PTGES3: variants seen among roughly 807,000 people sequenced by gnomAD.
PTGES3 encodes prostaglandin E synthase 3.
A neutral mutation model predicts 29.9 loss-of-function variants in PTGES3; 5 were observed. The ratio of observed to expected loss-of-function variants is 0.17; its 90% confidence interval spans 0.09 to 0.35. PTGES3 has a LOEUF of 0.35. PTGES3 is among the 10% of genes least tolerant of loss of function. The probability of loss-of-function intolerance (pLI) is 1.00; values close to 1 mark genes in which losing one functional copy is unlikely to be tolerated. For synonymous variants in PTGES3, 49 were observed against 57.8 expected, an observed-to-expected ratio of 0.85 and a Z score of 0.69; for missense variants, 128 against 190.0, an observed-to-expected ratio of 0.67 and a Z score of 1.92.
At chr12:56,679,299 TG>T (rs1952415366) in intron 1 of PTGES3, among the ~76,000 whole-genome samples, 1 of 148,188 alleles carries the variant, frequency 6.7e-6, no homozygotes, top group Non-Finnish European at 1.5e-5. Context: ...CCCAGCTACT[TG>T]GGAGGCTGAG....
At chr12:56,681,320 C>G (rs1404703653) in intron 1 of PTGES3, among the ~76,000 whole-genome samples, 1 of 151,626 alleles carries the variant, frequency 6.6e-6, no homozygotes, top group Non-Finnish European at 1.5e-5. Flanking sequence ...GGGCGGATCA[C>G]GAGGTCAGGA....
intron 1 of PTGES3, among the ~76,000 whole-genome samples, chr12:56,678,230 T>G (rs879028487): frequency 2.6e-5 from 4 of 152,154 alleles, no homozygotes; most frequent in Admixed American, 2.0e-4. Context: ...CAGGTTGGAG[T>G]GCAGTGGCGT....
At chr12:56,670,640 T>C (rs1344305618) in intron 4 of PTGES3, 5 of 292,762 alleles carry the variant, frequency 1.7e-5, no homozygotes, top group African/African-American at 6.4e-5. Flanking sequence ...TTAGCGTGGT[T>C]ACCTGACATA....
chr12:56,669,969 T>TAA lies in PTGES3; in HGVS notation c.375+304_375+305dup, dbSNP rs5798391. On this transcript the variant is annotated intron_variant, in intron 5 of 7. Transcript: ENST00000262033. ...CAAGTCAACTACTGCAATCATGCTT[T>TAA]AAAAAAAAAAAAAAAAAAAGTCCCA... Among the ~76,000 whole-genome samples, 857 of 133,450 alleles carry TAA rather than the reference T, an allele frequency of 6.4e-3. 6 individuals are homozygous for TAA. Among genetic ancestry groups the TAA allele is most frequent in the South Asian group, 9.0e-3 (37 of 4,128 alleles). 87.5% of individuals were successfully genotyped at this position (133,450 alleles called of 152,430 possible). A position where few individuals can be genotyped will look rare whatever the true frequency, so the allele number is the denominator to read the frequency against.
intron 1 of PTGES3, among the ~76,000 whole-genome samples, chr12:56,684,037 G>A (rs1952709674): frequency 6.6e-6 from 1 of 150,852 alleles, no homozygotes; most frequent in South Asian, 2.1e-4. Flanking sequence ...ATAGTAAAAA[G>A]TTCAATACAC....
At chr12:56,670,514 C>T in intron 4 of PTGES3, 150 bp from the exon 5 acceptor site, 1 of 616,346 alleles carries the variant, frequency 1.6e-6, no homozygotes, top group Non-Finnish European at 2.9e-6. Flanking sequence ...TGCAATCCCA[C>T]TATTGATCAA....
rs189160920 is a variant in PTGES3, at chr12:56,678,835, G to A, written c.3-5770C>T. On this transcript the variant is annotated intron_variant, in intron 1 of 7. Transcript: ENST00000262033. ...ATGCTTGTCACATCAGCATGGAATA[G>A]GCTGGGCACTGTGCCTCATGCCTGG... Among the ~76,000 whole-genome samples, 426 of 152,286 alleles carry A rather than the reference G, an allele frequency of 2.8e-3. 3 individuals are homozygous for A. Among genetic ancestry groups the A allele is most frequent in the African/African-American group, 1.0e-2 (415 of 41,574 alleles).
At chr12:56,685,401 T>C (rs1309930340) in intron 1 of PTGES3, among the ~76,000 whole-genome samples, 1 of 11,768 alleles carries the variant, frequency 8.5e-5, no homozygotes, top group Non-Finnish European at 1.4e-4. Flanking sequence ...TTTCTTTTCT[T>C]TTTTTTTTTT....
intron 5 of PTGES3, among the ~76,000 whole-genome samples, chr12:56,666,712 C>A (rs1437422908): frequency 6.6e-6 from 1 of 152,108 alleles, no homozygotes; most frequent in African/African-American, 2.4e-5. Context: ...ACTGCAACCT[C>A]CGCCTCTGGG....
At chr12:56,669,616 C>CATTT (rs900566506) in intron 5 of PTGES3, among the ~76,000 whole-genome samples, 7 of 151,684 alleles carry the variant, frequency 4.6e-5, no homozygotes, top group African/African-American at 1.2e-4. Flanking sequence ...TATCGTTCTG[C>CATTT]ATTTATTTAT....
At position 56,666,574 on chromosome 12, in the gene PTGES3, G is replaced by C. The variant is rs184358688; in HGVS notation, c.376-308C>G. 5.9e-5 allele frequency among the ~76,000 whole-genome samples: 9 copies of C among 152,142 alleles called. No individual in the cohort carries two copies. In the East Asian group the frequency reaches 1.7e-3, roughly 29 times the overall value. ...CTCTGGTGGTTAAGGAAAAGAATGG[G>C]ATTCATTTGTAGTTGCACAGCTATC... On this transcript the variant is annotated intron_variant, in intron 5 of 7. Coordinates refer to ENST00000262033, the MANE Select transcript of PTGES3 (RefSeq NM_006601.7).
intron 1 of PTGES3, among the ~76,000 whole-genome samples, chr12:56,682,458 G>T (rs541499498): frequency 6.6e-5 from 10 of 151,878 alleles, no homozygotes; most frequent in Non-Finnish European, 1.5e-4. Context: ...ACTACTGGGG[G>T]ACCAAGGCAG....
In PTGES3 at chr12:56,670,302, G is replaced by A. The variant is rs748522169; in HGVS notation, c.348C>T (p.Asp116=). The A allele has an allele frequency of 1.9e-6, 3 of 1,613,200 alleles. No individual in the cohort carries two copies. The highest frequency in any genetic ancestry group is 2.2e-5 in the East Asian group (1 of 44,872). ...WKDWEDDSDE[D]MSNFDRFSEM... ...CAGAGAAACGATCAAAATTAGACAT[G>A]TCTTCATCTGAATCATCTTCCCAGT... Residue 116 remains aspartate (D), a synonymous_variant, in exon 5 of 8, where the codon GAC becomes GAT. Coordinates refer to ENST00000262033, the MANE Select transcript of PTGES3 (RefSeq NM_006601.7).
At chr12:56,679,984 T>C (rs1952450185) in intron 1 of PTGES3, among the ~76,000 whole-genome samples, 1 of 151,920 alleles carries the variant, frequency 6.6e-6, no homozygotes, top group Admixed American at 6.6e-5. Flanking sequence ...CCTCTCCATA[T>C]GTTAATAGGA....
chr12:56,671,855 C>A lies in PTGES3; in HGVS notation c.187-8G>T. On this transcript the variant is annotated splice_polypyrimidine_tract_variant and splice_region_variant and intron_variant, in intron 3 of 7. Transcript: ENST00000262033. Reference sequence around the variant, plus strand: ...TCTTTTATGCTTGGAATCCTAAAAACAAAAGGACCATCATACCATTTATCT... The same window carrying A: ...TCTTTTATGCTTGGAATCCTAAAAAAAAAAGGACCATCATACCATTTATCT... 6.8e-7 allele frequency: 1 copy of A among 1,478,496 alleles called. No individual in the cohort carries two copies. Among genetic ancestry groups the A allele is most frequent in the African/African-American group, 1.4e-5 (1 of 70,728 alleles). 91.6% of individuals were successfully genotyped at this position (1,478,496 alleles called of 1,614,324 possible). A position where few individuals can be genotyped will look rare whatever the true frequency, so the allele number is the denominator to read the frequency against.
intron 1 of PTGES3, chr12:56,687,312 T>A (rs1952921337): frequency 1.0e-6 from 1 of 989,772 alleles, no homozygotes; most frequent in South Asian, 4.7e-5. Context: ...CGTGCGGAAC[T>A]ACCTGCTCAA....
chr12:56,669,953 T>G (rs1158624061), intron 5 of PTGES3, among the ~76,000 whole-genome samples: 3 of 137,626 alleles, frequency 2.2e-5, no homozygotes, highest in African/African-American at 8.1e-5. Context: ...CCAAGTCAAC[T>G]ACTGCAATCA....
intron 2 of PTGES3, 52 bp downstream of exon 2, chr12:56,672,900 T>C (rs367772589): frequency 7.7e-6 from 12 of 1,561,904 alleles, no homozygotes; most frequent in African/African-American, 4.1e-5. Context: ...GTCAAAGTTA[T>C]TCAGTTGTGT....
At chr12:56,687,303 G>A (rs777658907) in intron 1 of PTGES3, 3 of 990,810 alleles carry the variant, frequency 3.0e-6, no homozygotes, top group East Asian at 1.1e-4. Context: ...AAGTCGACAC[G>A]TGCGGAACTA....
Sources: allele counts gnomAD v4.1 joint callset (sites outside exome capture counted in the v4.1 genomes callset), GRCh38; gene constraint gnomAD v4.1.1; transcripts MANE v1.5; gene names NCBI Gene and HGNC (gene_info 2026-07-23, HGNC 2026-07-21).